TBC1D1: variants seen among roughly 807,000 people sequenced by gnomAD.
The protein encoded by TBC1D1 is TBC1 (tre-2/USP6, BUB2, cdc16) domain family, member 1.
Under a neutral mutation model 125.6 loss-of-function variants are expected in TBC1D1, and 89 were observed. The observed-to-expected ratio is 0.71, with a 90% CI of 0.60 to 0.85. The LOEUF is 0.85. TBC1D1 is among the 40% of genes least tolerant of loss of function. TBC1D1 has a pLI of 0.00. For synonymous variants in TBC1D1, 565 were observed against 564.1 expected (o/e 1.00, Z -0.02); for missense variants, 1,377 against 1,469.2 (o/e 0.94, Z 1.03).
chr4:37,937,621 T>A (rs1015355553), intron 2 of TBC1D1, among the ~76,000 whole-genome samples: 5 of 152,198 alleles, frequency 3.3e-5, no homozygotes, highest in Non-Finnish European at 7.3e-5. Context: ...CAATAAGAAT[T>A]GTTTCATCAA....
chr4:37,942,700 G>T (rs1725826685), intron 2 of TBC1D1, among the ~76,000 whole-genome samples: 1 of 151,984 alleles, frequency 6.6e-6, no homozygotes, highest in African/African-American at 2.4e-5. Flanking sequence ...CACCACGCCT[G>T]GCTAATTTTT....
In TBC1D1 at chr4:37,947,919, C is replaced by T. The variant is rs1727048574; in HGVS notation, c.417+45407C>T. On this transcript the variant is annotated intron_variant, in intron 2 of 19. Coordinates refer to ENST00000261439, the MANE Select transcript of TBC1D1 (RefSeq NM_015173.4). Reference sequence around the variant, plus strand: ...AAAAGTTAAAACAAAGGTAGTACCCCCAAATAAAAGAACAGGGCCTGCTAG... The same window carrying T: ...AAAAGTTAAAACAAAGGTAGTACCCTCAAATAAAAGAACAGGGCCTGCTAG... Among the ~76,000 whole-genome samples, 3 of 151,898 alleles carry T rather than the reference C, an allele frequency of 2.0e-5. No homozygotes were observed. The South Asian group carries it at 6.2e-4, about 32-fold the overall frequency.
At chr4:38,060,234 T>C (rs977658386) in intron 12 of TBC1D1, among the ~76,000 whole-genome samples, 6 of 152,254 alleles carry the variant, frequency 3.9e-5, no homozygotes, top group African/African-American at 1.4e-4. Context: ...CCTTTGGTTA[T>C]GTACCCAGGA....
At chr4:38,069,822 T>C (rs1263582699) in intron 12 of TBC1D1, among the ~76,000 whole-genome samples, 2 of 152,172 alleles carry the variant, frequency 1.3e-5, no homozygotes, top group Admixed American at 1.3e-4. Context: ...GGGCCAAGCT[T>C]GTCCAACCCG....
intron 11 of TBC1D1, among the ~76,000 whole-genome samples, chr4:38,050,761 T>G (rs1191350541): frequency 6.6e-6 from 1 of 152,010 alleles, no homozygotes; most frequent in East Asian, 1.9e-4. Flanking sequence ...TCATTGAGAG[T>G]GTGAGTTAGT....
At chr4:38,031,260 A>G (rs1256045878) in intron 7 of TBC1D1, among the ~76,000 whole-genome samples, 1 of 152,218 alleles carries the variant, frequency 6.6e-6, no homozygotes, top group East Asian at 1.9e-4. Context: ...TTAATTAAAT[A>G]CTGACTAGAT....
At chr4:37,932,094 G>C (rs1723385524) in intron 2 of TBC1D1, among the ~76,000 whole-genome samples, 2 of 152,108 alleles carry the variant, frequency 1.3e-5, no homozygotes, top group Non-Finnish European at 2.9e-5. Flanking sequence ...TGGAATTAGT[G>C]GGCTTTTGCC....
intron 15 of TBC1D1, among the ~76,000 whole-genome samples, chr4:38,115,449 G>A (rs1762833732): frequency 6.6e-6 from 1 of 152,140 alleles, no homozygotes; most frequent in Non-Finnish European, 1.5e-5. Context: ...CAGGACCGAA[G>A]GTAGTTCTGA....
In TBC1D1 at chr4:38,119,427, A is replaced by G. The variant is rs559026410; in HGVS notation, c.2962+1235A>G. Among the ~76,000 whole-genome samples the G allele has an allele frequency of 5.5e-3, 837 of 152,210 alleles. 2 individuals are homozygous for G. The highest frequency in any genetic ancestry group is 9.2e-3 in the Non-Finnish European group (628 of 68,008). Reference sequence around the variant, plus strand: ...TTCCTTCTTTTCTGTCCCTGAAAAAATAAAATCACTAAATTAAAATAGATA... The same window carrying G: ...TTCCTTCTTTTCTGTCCCTGAAAAAGTAAAATCACTAAATTAAAATAGATA... On this transcript the variant is annotated intron_variant, in intron 17 of 19. Coordinates refer to ENST00000261439, the MANE Select transcript of TBC1D1 (RefSeq NM_015173.4).
intron 2 of TBC1D1, among the ~76,000 whole-genome samples, chr4:37,918,197 C>T (rs1560474973): frequency 6.6e-6 from 1 of 152,138 alleles, no homozygotes; most frequent in Non-Finnish European, 1.5e-5. Context: ...TCTGTTCTTG[C>T]CTTTTTCTTT....
chr4:37,954,853 C>G (rs1578026911), intron 2 of TBC1D1, among the ~76,000 whole-genome samples: 1 of 142,786 alleles, frequency 7.0e-6, no homozygotes, highest in Non-Finnish European at 1.5e-5. Context: ...TATCATATGA[C>G]TCTTAGCAGT....
chr4:38,117,818 G>A (rs542671992), intron 16 of TBC1D1, among the ~76,000 whole-genome samples: 20 of 152,340 alleles, frequency 1.3e-4, no homozygotes, highest in East Asian at 1.2e-3. Flanking sequence ...CAGCGTTAGC[G>A]TCCTGGGCCT....
chr4:38,037,501 C>T (rs1578374622), intron 8 of TBC1D1, among the ~76,000 whole-genome samples: 1 of 152,068 alleles, frequency 6.6e-6, no homozygotes, highest in African/African-American at 2.4e-5. Flanking sequence ...TTCAGAGCAG[C>T]AGCTGCTTTA....
At chr4:37,962,981 T>A (rs1467213335) in intron 2 of TBC1D1, among the ~76,000 whole-genome samples, 1 of 152,188 alleles carries the variant, frequency 6.6e-6, no homozygotes, top group Admixed American at 6.5e-5. Flanking sequence ...TTTAAGTACT[T>A]CTTTGGCAAT....
chr4:38,019,770 C>A (rs1743602324), intron 4 of TBC1D1, among the ~76,000 whole-genome samples: 1 of 152,080 alleles, frequency 6.6e-6, no homozygotes, highest in Admixed American at 6.5e-5. Flanking sequence ...CTTATGATAC[C>A]ATGGTAGAGC....
intron 4 of TBC1D1, 75 bp downstream of exon 4, chr4:38,018,518 C>A: frequency 1.0e-6 from 1 of 967,776 alleles, no homozygotes; most frequent in Non-Finnish European, 1.6e-6. Flanking sequence ...TATCATGTAA[C>A]AAATGCTAAA....
At chr4:38,135,844 A>C (rs1218742218) in intron 19 of TBC1D1, among the ~76,000 whole-genome samples, 1 of 109,560 alleles carries the variant, frequency 9.1e-6, no homozygotes, top group South Asian at 3.1e-4. Context: ...AAAATGAAAA[A>C]TATATATATA....
intron 19 of TBC1D1, among the ~76,000 whole-genome samples, chr4:38,134,599 A>G (rs1407798516): frequency 6.6e-6 from 1 of 152,220 alleles, no homozygotes; most frequent in East Asian, 1.9e-4. Flanking sequence ...GGAAACTTCT[A>G]ATAAAGCTCA....
intron 2 of TBC1D1, among the ~76,000 whole-genome samples, chr4:37,986,987 A>G (rs770311795): frequency 6.6e-6 from 1 of 152,300 alleles, no homozygotes; most frequent in Non-Finnish European, 1.5e-5. Context: ...GCTCCCTAGC[A>G]CTGGGCTGCA....
Sources: allele counts gnomAD v4.1 joint callset (sites outside exome capture counted in the v4.1 genomes callset), GRCh38; gene constraint gnomAD v4.1.1; transcripts MANE v1.5; gene names NCBI Gene and HGNC (gene_info 2026-07-23, HGNC 2026-07-21).